Variants in APBB2 observed in about 807,000 individuals in gnomAD.
APBB2 encodes Fe65-like 1.
APBB2 carries 38 observed loss-of-function variants against 82.5 expected under a neutral mutation model. The observed-to-expected ratio is 0.46, with a 90% CI of 0.36 to 0.60. APBB2 has a LOEUF of 0.60. Ranked by LOEUF, APBB2 falls within the 20% of genes least tolerant of loss-of-function variation. The pLI, the probability that APBB2 is intolerant of heterozygous loss-of-function variation, is 0.00. For missense variants in APBB2, 772 were observed against 972.3 expected (o/e 0.79, Z 2.74); for synonymous variants, 341 against 368.2 (o/e 0.93, Z 0.85).
intron 3 of APBB2, among the ~76,000 whole-genome samples, chr4:41,080,440 C>T (rs17442854): frequency 0.07 from 10,680 of 152,084 alleles, 531 homozygotes; most frequent in Non-Finnish European, 0.1. Context: ...TCTGTGGTGC[C>T]CCACTGTCTC....
rs1271154511 is a variant in APBB2 at position 41,033,309 on chromosome 4, A to G, written c.-50-5T>C. On this transcript the variant is annotated splice_region_variant and splice_polypyrimidine_tract_variant and intron_variant, in intron 4 of 17. Transcript: ENST00000508593. ...AAATAGGTTATAATTTGAAATCTAA[A>G]AAGAAGGGATCATTTGAGAAATTAA... 8.4e-6 allele frequency: 13 copies of G among 1,550,352 alleles called. No homozygotes were observed. The highest frequency in any genetic ancestry group is 2.8e-5 in the African/African-American group (2 of 72,120).
chr4:41,011,759 T>C (rs958803863), intron 6 of APBB2, among the ~76,000 whole-genome samples: 1 of 152,038 alleles, frequency 6.6e-6, no homozygotes, highest in Non-Finnish European at 1.5e-5. Context: ...TGCGGATCTA[T>C]GACTCAAACA....
At position 41,014,183 on chromosome 4, in the gene APBB2, T is replaced by C. The variant is rs1484467691; in HGVS notation, c.235A>G (p.Met79Val). 9 of 1,614,230 alleles carry C rather than the reference T, an allele frequency of 5.6e-6. No individual in the cohort carries two copies. The highest frequency in any genetic ancestry group is 6.8e-6 in the Non-Finnish European group (8 of 1,180,036). ...TGTGCAGCTGGATCCGAGAGGCCCA[T>C]GGCCGCCTGGATGTTAGTTAGTGCA... Reference protein sequence around the residue: ...KYALTNIQAAMGLSDPAAQPL... With the variant: ...KYALTNIQAAVGLSDPAAQPL... The change falls in exon 6 of 18, where the codon ATG (methionine) becomes GTG (valine). Residue 79 changes from methionine to valine, a missense_variant. By Grantham distance (21) the Met-to-Val change is conservative (BLOSUM62 1). Coordinates refer to ENST00000508593, the MANE Select transcript of APBB2 (RefSeq NM_004307.2).
At chr4:41,162,795 G>C (rs552963820) in intron 1 of APBB2, among the ~76,000 whole-genome samples, 83 of 152,232 alleles carry the variant, frequency 5.5e-4, no homozygotes, top group Non-Finnish European at 9.7e-4. Context: ...GGAGTTTGAG[G>C]CTACAATGAG....
chr4:40,873,074 T>G (rs1425331396), intron 12 of APBB2, among the ~76,000 whole-genome samples: 3 of 135,818 alleles, frequency 2.2e-5, no homozygotes, highest in South Asian at 2.4e-4. Context: ...GGCGACAGAG[T>G]GAGACTCCAT....
chr4:41,147,533 C>A (rs1420407823), intron 1 of APBB2, among the ~76,000 whole-genome samples: 4 of 147,092 alleles, frequency 2.7e-5, no homozygotes, highest in Admixed American at 1.4e-4. Flanking sequence ...TCTTGTCTCC[C>A]AGGCTGGAGT....
chr4:41,084,033 A>C (rs1021174976), intron 3 of APBB2, among the ~76,000 whole-genome samples: 10 of 152,308 alleles, frequency 6.6e-5, no homozygotes, highest in Admixed American at 2.6e-4. Context: ...ATGTATTATA[A>C]AGCTGCAATA....
chr4:40,970,288 G>A (rs1464469748), intron 6 of APBB2, among the ~76,000 whole-genome samples: 1 of 152,114 alleles, frequency 6.6e-6, no homozygotes, highest in Admixed American at 6.6e-5. Context: ...ATGAATAAGT[G>A]AGAACTTGAC....
At chr4:40,864,216 T>C (rs963768109) in intron 12 of APBB2, among the ~76,000 whole-genome samples, 3 of 152,042 alleles carry the variant, frequency 2.0e-5, no homozygotes, top group African/African-American at 7.2e-5. Flanking sequence ...ATTGTGCCAC[T>C]GCATTCCAGC....
At chr4:40,817,064 A>G (rs1247613090) in intron 17 of APBB2, among the ~76,000 whole-genome samples, 1 of 152,196 alleles carries the variant, frequency 6.6e-6, no homozygotes, top group Non-Finnish European at 1.5e-5. Context: ...GATTAGATAA[A>G]AAGTTAAAAT....
chr4:40,839,243 C>G (rs767190954), intron 12 of APBB2, among the ~76,000 whole-genome samples: 4 of 151,766 alleles, frequency 2.6e-5, no homozygotes, highest in Non-Finnish European at 5.9e-5. Context: ...ACACCTGGCT[C>G]AAAATATATT....
intron 5 of APBB2, among the ~76,000 whole-genome samples, chr4:41,018,257 T>C (rs1009392668): frequency 1.3e-5 from 2 of 152,198 alleles, no homozygotes; most frequent in Admixed American, 6.5e-5. Flanking sequence ...GTGCTAGGAA[T>C]TGGAAAACCA....
At chr4:41,159,806 T>A in intron 1 of APBB2, among the ~76,000 whole-genome samples, 1 of 114,082 alleles carries the variant, frequency 8.8e-6, no homozygotes. Context: ...GAATGGAAAA[T>A]AAATAGAAGC....
chr4:41,000,218 C>T (rs564048081), intron 6 of APBB2, among the ~76,000 whole-genome samples: 25 of 151,624 alleles, frequency 1.6e-4, no homozygotes, highest in Middle Eastern at 3.4e-3. Context: ...ACCGTGATTA[C>T]GCCACTGCAC....
chr4:41,109,422 C>T (rs1047050443), intron 2 of APBB2, among the ~76,000 whole-genome samples: 20 of 152,176 alleles, frequency 1.3e-4, no homozygotes, highest in Admixed American at 2.6e-4. Context: ...TCCCAAGTAG[C>T]TGGTACTACA....
At chr4:41,203,293 CAGG>C (rs1777163334) in intron 1 of APBB2, among the ~76,000 whole-genome samples, 1 of 152,050 alleles carries the variant, frequency 6.6e-6, no homozygotes, top group African/African-American at 2.4e-5. Context: ...TTCAAGTCAG[CAGG>C]AGATGACTGT....
intron 12 of APBB2, among the ~76,000 whole-genome samples, chr4:40,888,818 C>T (rs1427518644): frequency 5.9e-5 from 9 of 152,252 alleles, no homozygotes; most frequent in Admixed American, 2.6e-4. Context: ...ACAAGCTCCA[C>T]ACTTTCGCTC....
intron 1 of APBB2, among the ~76,000 whole-genome samples, chr4:41,163,231 GA>G (rs1765636706): frequency 6.6e-6 from 1 of 152,214 alleles, no homozygotes; most frequent in South Asian, 2.1e-4. Context: ...GATCTGGGGG[GA>G]AAGAGTATGG....
At chr4:41,094,910 A>C (rs950466620) in intron 3 of APBB2, among the ~76,000 whole-genome samples, 2 of 152,224 alleles carry the variant, frequency 1.3e-5, no homozygotes, top group African/African-American at 4.8e-5. Flanking sequence ...TATTTTATTA[A>C]GCAAGGTGCT....
Sources: gnomAD v4.1 joint callset for allele counts (sites outside exome capture counted in the v4.1 genomes callset) on GRCh38, gnomAD v4.1.1 for gene constraint, MANE v1.5 for transcripts, NCBI Gene and HGNC (gene_info 2026-07-23, HGNC 2026-07-21) for gene names.